The following GOLGA6L9 variants were observed in gnomAD, a reference collection of about 807,000 sequenced individuals.
GOLGA6L9 encodes the protein golgin A6 family like 9.
In GOLGA6L9, 19 loss-of-function variants were observed where a neutral mutation model predicts 51.3. The ratio of observed to expected loss-of-function variants is 0.37; its 90% CI spans 0.26 to 0.54. The LOEUF (loss-of-function observed/expected upper bound fraction) is 0.54, where lower values mean the gene tolerates loss of function less well. Among genes scored for constraint, GOLGA6L9 ranks in the 20% least tolerant of loss-of-function variants. GOLGA6L9 has a pLI of 0.83. For synonymous variants in GOLGA6L9, 97 were observed against 184.2 expected, an observed-to-expected ratio of 0.53 and a Z score of 3.83; for missense variants, 247 against 464.1, an observed-to-expected ratio of 0.53 and a Z score of 4.30.
At position 82,429,979 on chromosome 15, in the gene GOLGA6L9, T is replaced by G. The variant is rs2031353231; in HGVS notation, c.-101T>G. On this transcript the variant is annotated 5_prime_UTR_variant, in exon 1 of 9. Coordinates refer to ENST00000618348, the MANE Select transcript of GOLGA6L9 (RefSeq NM_198181.4). ...GAACATTAAGGCCACGCCCCTATTCTGCGTTCCATTGGTGCCCTGGTTACG... is the reference window on the plus strand; with the variant it reads ...GAACATTAAGGCCACGCCCCTATTCGGCGTTCCATTGGTGCCCTGGTTACG... 4.2e-6 allele frequency: 4 copies of G among 949,928 alleles called. No homozygotes were observed. Among genetic ancestry groups the G allele is most frequent in the Non-Finnish European group, 6.9e-6 (4 of 581,556 alleles). The allele number at this position is 949,928 out of a possible 1,614,324, so 58.8% of individuals were successfully genotyped here. A position where few individuals can be genotyped will look rare whatever the true frequency, so the allele number is the denominator to read the frequency against.
At chr15:82,424,223 C>CA in the GOLGA6L9 span, among the ~76,000 whole-genome samples, 2 of 151,234 alleles carry the variant, frequency 1.3e-5, no homozygotes, top group African/African-American at 4.9e-5. Context: ...AGGCATCCAC[C>CA]ACCACACCCA....
chr15:82,416,435 C>A, the GOLGA6L9 span, among the ~76,000 whole-genome samples: 4 of 151,950 alleles, frequency 2.6e-5, no homozygotes, highest in Admixed American at 1.3e-4. Flanking sequence ...AATCTGGTGA[C>A]AGCAGAAGAG....
chr15:82,429,823 CCT>C lies in GOLGA6L9; in HGVS notation c.-250_-249del, dbSNP rs1595948304. Among the ~76,000 whole-genome samples, 2 of 152,130 alleles carry C rather than the reference CCT, an allele frequency of 1.3e-5. No homozygotes were observed. Among genetic ancestry groups the C allele is most frequent in the African/African-American group, 4.8e-5 (2 of 41,416 alleles). ...CTCTCCCAGAGTGGGCGGCCTCTCC[CCT>C]CTCTCTGAGTGGGCGGGGACAGCGG... On this transcript the variant is annotated 5_prime_UTR_variant, in exon 1 of 9. Transcript: ENST00000618348.
rs767339438 is a variant in GOLGA6L9 at position 82,437,810 on chromosome 15, A to G, written c.*1399A>G. ...TAAAACGTTTACAAACTGCAGCACA[A>G]TCTACTGTTCGTGAATGTCAAAGTG... On this transcript the variant is annotated 3_prime_UTR_variant, in exon 9 of 9. Transcript: ENST00000618348. The G allele has an allele frequency of 0.062, 9,322 of 151,172 alleles. 786 individuals carry two copies. Among genetic ancestry groups the G allele is most frequent in the African/African-American group, 0.1 (4,228 of 40,940 alleles). 9.4% of individuals were successfully genotyped at this position (151,172 alleles called of 1,614,324 possible).
intron 5 of GOLGA6L9, 121 bp from the exon 6 acceptor site, chr15:82,433,913 A>T: frequency 7.6e-7 from 1 of 1,309,460 alleles, no homozygotes; most frequent in Non-Finnish European, 1.0e-6. Flanking sequence ...GGGTGTGAGG[A>T]GTCATTAGCA....
chr15:82,427,313 TTC>T (rs2031227745), upstream of GOLGA6L9, among the ~76,000 whole-genome samples: 1 of 145,132 alleles, frequency 6.9e-6, no homozygotes, highest in Admixed American at 6.8e-5. Context: ...CTCCCTCTCT[TTC>T]TTTCCTCTTT....
the GOLGA6L9 span, among the ~76,000 whole-genome samples, chr15:82,420,652 A>G: frequency 6.6e-6 from 1 of 151,844 alleles, no homozygotes; most frequent in Admixed American, 6.6e-5. Context: ...CAAGGATTGG[A>G]ACCAGACAGT....
rs2031769920 is a variant in GOLGA6L9, at chr15:82,438,038, A to C, written c.*1627A>C. 5 of 151,172 alleles carry C rather than the reference A, an allele frequency of 3.3e-5. No individual in the cohort carries two copies. The South Asian group carries it at 1.0e-3, about 31-fold the overall frequency. 9.4% of individuals were successfully genotyped at this position (151,172 alleles called of 1,614,324 possible). ...CATTCTTTGAGTTCAGTTTAAAGACAGTTACTTTAAGCCCATTTTAAACCC... is the reference window on the plus strand; with the variant it reads ...CATTCTTTGAGTTCAGTTTAAAGACCGTTACTTTAAGCCCATTTTAAACCC... On this transcript the variant is annotated 3_prime_UTR_variant, in exon 9 of 9. Transcript: ENST00000618348.
chr15:82,421,055 TC>T, the GOLGA6L9 span, among the ~76,000 whole-genome samples: 1 of 103,456 alleles, frequency 9.7e-6, no homozygotes, highest in South Asian at 4.2e-4. Context: ...TTATTCACCT[TC>T]AGAATTTCCT....
chr15:82,424,289 C>T, the GOLGA6L9 span, among the ~76,000 whole-genome samples: 56 of 151,790 alleles, frequency 3.7e-4, no homozygotes, highest in Admixed American at 6.6e-4. Flanking sequence ...CCAGGCTAGT[C>T]TCAAACTACT....
At chr15:82,418,842 G>C in the GOLGA6L9 span, 1 of 152,230 alleles carries the variant, frequency 6.6e-6, no homozygotes, top group South Asian at 2.1e-4. Flanking sequence ...ATCACAGGTT[G>C]GGAGAGAAAG....
At position 82,434,582 on chromosome 15, in the gene GOLGA6L9, C is replaced by G; in HGVS notation, c.982C>G (p.Arg328Gly). 6.5e-7 allele frequency: 1 copy of G among 1,536,152 alleles called. No homozygotes were observed. Among genetic ancestry groups the G allele is most frequent in the Non-Finnish European group, 8.7e-7 (1 of 1,147,622 alleles). The change falls in exon 6 of 9, where the codon CGC becomes GGC. Residue 328 changes from arginine to glycine, a missense_variant. This residue lies in a region of GOLGA6L9 where 12 missense variants were observed against 89.4 expected (regional missense o/e 0.13). Coordinates refer to ENST00000618348, the MANE Select transcript of GOLGA6L9 (RefSeq NM_198181.4). ...EALYEQRAEP[R>G]SGFEELNNEN... is the part of the protein sequence containing the mutation. ...CCTGTACGAGCAGCGGGCCGAGCCA[C>G]GCAGCGGCTTCGAGGAGCTGGTGCG...
At chr15:82,418,913 T>C in the GOLGA6L9 span, 1 of 152,316 alleles carries the variant, frequency 6.6e-6, no homozygotes, top group Non-Finnish European at 1.5e-5. Flanking sequence ...GCCCTGATTC[T>C]TTGGAATATT....
the GOLGA6L9 span, among the ~76,000 whole-genome samples, chr15:82,417,540 A>G: frequency 6.6e-6 from 1 of 152,240 alleles, no homozygotes; most frequent in Non-Finnish European, 1.5e-5. Context: ...TTGCATAGGT[A>G]TTATGCAGTT....
the GOLGA6L9 span, among the ~76,000 whole-genome samples, chr15:82,416,277 T>C: frequency 6.6e-6 from 1 of 152,196 alleles, no homozygotes; most frequent in South Asian, 2.1e-4. Context: ...GAAATATTGC[T>C]GATGTAATAT....
upstream of GOLGA6L9, among the ~76,000 whole-genome samples, chr15:82,427,885 TG>T (rs1409045512): frequency 9.0e-5 from 10 of 110,602 alleles, no homozygotes; most frequent in Admixed American, 9.9e-4. Context: ...TTTGAGGTTT[TG>T]GGCTAGTGCT....
rs1372417463 is a variant in GOLGA6L9 at position 82,434,298 on chromosome 15, A to T, written c.698A>T (p.Glu233Val). 1.3e-5 allele frequency: 20 copies of T among 1,548,970 alleles called. No individual in the cohort carries two copies. Among genetic ancestry groups the T allele is most frequent in the Non-Finnish European group, 1.6e-5 (19 of 1,153,978 alleles). ...CEQEERLREQ[E>V]ERLCEQEKLP... is the part of the protein sequence containing the mutation. ...CAGGAGGAGAGGCTACGTGAACAGG[A>T]GGAGAGGCTGTGTGAACAGGAGAAG... is the stretch of plus-strand genomic sequence containing the variant. The change falls in exon 6 of 9, where the codon GAG (glutamate) becomes GTG (valine). Residue 233 changes from glutamate to valine, a missense_variant. By Grantham distance (121) the Glu-to-Val change is moderately radical (BLOSUM62 -2). Transcript: ENST00000618348.
chr15:82,424,073 ATTTTGT>A, the GOLGA6L9 span, among the ~76,000 whole-genome samples: 1 of 146,482 alleles, frequency 6.8e-6, no homozygotes, highest in Non-Finnish European at 1.5e-5. Flanking sequence ...ATTTAAGCTG[ATTTTGT>A]TTTTGTTTTT....
chr15:82,427,358 CCTCT>C (rs1326035296), upstream of GOLGA6L9, among the ~76,000 whole-genome samples: 11 of 147,482 alleles, frequency 7.5e-5, no homozygotes, highest in African/African-American at 2.5e-4. Flanking sequence ...TTCTTCTTTC[CCTCT>C]CTCTCTTTCT....
Sources: allele counts gnomAD v4.1 joint callset (sites outside exome capture counted in the v4.1 genomes callset), GRCh38; gene constraint gnomAD v4.1.1; regional missense constraint gnomAD v4.1.1; transcripts MANE v1.5; gene names NCBI Gene and HGNC (gene_info 2026-07-23, HGNC 2026-07-21).